The following DUSP29 variants were observed in gnomAD, a reference collection of about 807,000 sequenced individuals.
DUSP29 encodes the protein atypical dual-specific protein phosphatase.
A neutral mutation model predicts 13.5 loss-of-function variants in DUSP29; 12 were observed. That is an observed-to-expected ratio of 0.89 (90% confidence interval 0.57 to 1.44). The LOEUF is 1.44. DUSP29 is among the 40% of genes most tolerant of loss of function. DUSP29 has a pLI of 0.00. For synonymous variants in DUSP29, 134 were observed against 128.7 expected (o/e 1.04, Z -0.28); for missense variants, 308 against 301.1 (o/e 1.02, Z -0.17).
chr10:75,070,077 GGA>G (rs1847294674), intron 1 of DUSP29, among the ~76,000 whole-genome samples: 1 of 1,810 alleles, frequency 5.5e-4, no homozygotes, highest in Non-Finnish European at 8.6e-4. Flanking sequence ...AAGAAAGGAA[GGA>G]AGGAAGGAAG....
rs779225888 is a variant in DUSP29 at position 75,058,413 on chromosome 10, G to T, written c.102C>A (p.Cys34Ter). 3 of 1,614,260 alleles carry T rather than the reference G, an allele frequency of 1.9e-6. No homozygotes were observed. In the East Asian group the frequency reaches 6.7e-5, roughly 36 times the overall value. ...MEEEGEEEDY[C>*]TPGAFELERL... Reference sequence around the variant, plus strand: ...GCTCCAGCTCAAAGGCTCCAGGGGTGCAGTAGTCCTCCTCCTCCCCTTCCT... The same window carrying T: ...GCTCCAGCTCAAAGGCTCCAGGGGTTCAGTAGTCCTCCTCCTCCCCTTCCT... The change falls in exon 2 of 4, where the codon TGC becomes TGA. Residue 34 changes from cysteine to a stop codon, truncating the protein, a stop_gained. Transcript: ENST00000338487. LOFTEE classifies it high-confidence loss of function.
At chr10:75,051,063 T>A (rs1304575139) in intron 2 of DUSP29, among the ~76,000 whole-genome samples, 2 of 152,222 alleles carry the variant, frequency 1.3e-5, no homozygotes, top group African/African-American at 4.8e-5. Context: ...CAAGGAACTT[T>A]GATATGGCTG....
At chr10:75,058,577 G>A in intron 1 of DUSP29, 29 bp from the exon 2 acceptor site, 2 of 1,569,654 alleles carry the variant, frequency 1.3e-6, no homozygotes, top group Non-Finnish European at 8.7e-7. Flanking sequence ...CAGGATGGGG[G>A]TTAGCAGGGG....
At chr10:75,043,186 T>G (rs946323982) in intron 3 of DUSP29, among the ~76,000 whole-genome samples, 1 of 152,236 alleles carries the variant, frequency 6.6e-6, no homozygotes, top group Non-Finnish European at 1.5e-5. Flanking sequence ...AGCTTTCTAC[T>G]GGAGGCCTCA....
intron 1 of DUSP29, among the ~76,000 whole-genome samples, chr10:75,060,468 T>TTA (rs1262509551): frequency 7.9e-4 from 98 of 124,482 alleles, no homozygotes; most frequent in African/African-American, 2.6e-3. Flanking sequence ...TGAGACCTTA[T>TTA]AAAAAAAAAA....
intron 3 of DUSP29, among the ~76,000 whole-genome samples, chr10:75,039,850 C>T (rs750291315): frequency 2.2e-4 from 34 of 152,196 alleles, no homozygotes; most frequent in Admixed American, 7.2e-4. Flanking sequence ...TATGAACTGC[C>T]GGGGCTGGAG....
chr10:75,072,955 C>A (rs12779791), intron 1 of DUSP29, among the ~76,000 whole-genome samples: 1 of 152,018 alleles, frequency 6.6e-6, no homozygotes, highest in Non-Finnish European at 1.5e-5. Context: ...ACAGCCTACA[C>A]TCTTGGTCCA....
intron 2 of DUSP29, 29 bp from the exon 3 acceptor site, chr10:75,044,046 C>A: frequency 6.3e-7 from 1 of 1,587,750 alleles, no homozygotes; most frequent in Non-Finnish European, 8.6e-7. Flanking sequence ...AATCTGTGGG[C>A]GCGCGGCGCC....
At chr10:75,054,963 C>G (rs1846926992) in intron 2 of DUSP29, among the ~76,000 whole-genome samples, 2 of 152,074 alleles carry the variant, frequency 1.3e-5, no homozygotes, top group Non-Finnish European at 2.9e-5. Context: ...CCTCAGCCCC[C>G]CAAGTAGCTG....
chr10:75,069,698 A>G (rs796409506), intron 1 of DUSP29, among the ~76,000 whole-genome samples: 13 of 152,288 alleles, frequency 8.5e-5, no homozygotes, highest in African/African-American at 2.9e-4. Flanking sequence ...ACCCAGGGAA[A>G]TGATTGTGTT....
At chr10:75,040,350 G>A (rs961392275) in intron 3 of DUSP29, among the ~76,000 whole-genome samples, 3 of 152,186 alleles carry the variant, frequency 2.0e-5, no homozygotes, top group African/African-American at 7.2e-5. Flanking sequence ...GCCAAAAGGA[G>A]AGCGTGATAC....
chr10:75,066,307 G>T (rs969176704), intron 1 of DUSP29, among the ~76,000 whole-genome samples: 5 of 152,002 alleles, frequency 3.3e-5, no homozygotes. Context: ...GTGCCCCATA[G>T]CTGTGGCAGC....
intron 2 of DUSP29, among the ~76,000 whole-genome samples, chr10:75,057,514 C>T (rs1846987280): frequency 6.6e-6 from 1 of 152,100 alleles, no homozygotes; most frequent in Non-Finnish European, 1.5e-5. Context: ...CTCAGTTTCC[C>T]TATCTTTATA....
intron 1 of DUSP29, among the ~76,000 whole-genome samples, chr10:75,059,420 T>C (rs1297344987): frequency 1.3e-5 from 2 of 152,160 alleles, no homozygotes; most frequent in East Asian, 3.9e-4. Context: ...GAGGAAAAGG[T>C]GGGAAGACTG....
At chr10:75,062,210 G>A (rs1396827799) in intron 1 of DUSP29, among the ~76,000 whole-genome samples, 2 of 152,330 alleles carry the variant, frequency 1.3e-5, no homozygotes, top group South Asian at 4.1e-4. Context: ...GTGAAGCTCA[G>A]CTCGTCCATG....
chr10:75,050,297 G>T (rs144281873), intron 2 of DUSP29, among the ~76,000 whole-genome samples: 1 of 152,226 alleles, frequency 6.6e-6, no homozygotes, highest in African/African-American at 2.4e-5. Flanking sequence ...GCTTTCGAGC[G>T]TACTCAAGCA....
chr10:75,071,137 C>A (rs531406289), intron 1 of DUSP29, among the ~76,000 whole-genome samples: 1 of 152,262 alleles, frequency 6.6e-6, no homozygotes, highest in South Asian at 2.1e-4. Flanking sequence ...GTTCTGGCCT[C>A]TGCCCCTGTT....
chr10:75,038,829 G>C (rs1467743759), intron 3 of DUSP29, among the ~76,000 whole-genome samples: 3 of 152,184 alleles, frequency 2.0e-5, no homozygotes, highest in Non-Finnish European at 2.9e-5. Flanking sequence ...TCCAAGACTA[G>C]GGCATGAGGC....
At chr10:75,062,388 T>A (rs1564645463) in intron 1 of DUSP29, among the ~76,000 whole-genome samples, 1 of 152,220 alleles carries the variant, frequency 6.6e-6, no homozygotes, top group Admixed American at 6.5e-5. Context: ...CCTCCTTTGA[T>A]CACTGAAGCT....
Sources: allele counts gnomAD v4.1 joint callset (sites outside exome capture counted in the v4.1 genomes callset), GRCh38; gene constraint gnomAD v4.1.1; transcripts MANE v1.5; gene names NCBI Gene and HGNC (gene_info 2026-07-23, HGNC 2026-07-21).